NMI: variants seen among roughly 807,000 people sequenced by gnomAD.
The protein encoded by NMI is N-myc and STAT interactor, also known as N-myc-interactor.
NMI carries 39 observed loss-of-function variants against 34.3 expected under a neutral mutation model. The ratio of observed to expected loss-of-function variants is 1.14; its 90% confidence interval spans 0.88 to 1.49. NMI has a LOEUF of 1.49. NMI is among the 40% of genes most tolerant of loss of function. The pLI is 0.00. For synonymous variants in NMI, 113 were observed against 120.3 expected (o/e 0.94, Z 0.40); for missense variants, 339 against 358.1 (o/e 0.95, Z 0.43).
chr2:151,277,581 C>T (rs1428565501), intron 4 of NMI: 2 of 152,214 alleles, frequency 1.3e-5, no homozygotes, highest in Non-Finnish European at 2.9e-5. Context: ...AATCCTGCCT[C>T]CCAAATCCTC....
In NMI at chr2:151,270,852, C is replaced by G; in HGVS notation, c.765G>C (p.Arg255Ser). ...KYQIFSGTSK[R>S]TVLLTGMEGI... is the part of the protein sequence containing the mutation. The stretch of plus-strand genomic sequence containing the variant: ...CTTCCATTCCTGTCAGAAGCACTGT[C>G]CTCTTAGATGTTCCTGAAAATATCT... Residue 255 changes from arginine (R) to serine (S), a missense_variant, in exon 8 of 8, where the codon AGG (arginine) becomes AGC (serine). Arg to Ser is a moderately radical substitution (Grantham distance 110). Transcript: ENST00000243346. The G allele has an allele frequency of 6.2e-7, 1 of 1,613,140 alleles. No homozygotes were observed. Among genetic ancestry groups the G allele is most frequent in the Non-Finnish European group, 8.5e-7 (1 of 1,179,518 alleles).
At chr2:151,282,806 CT>C in intron 2 of NMI, 61 bp downstream of exon 2, 1 of 866,954 alleles carries the variant, frequency 1.2e-6, no homozygotes, top group East Asian at 3.1e-5. Flanking sequence ...CAAAACATGC[CT>C]TACTGCAAAA....
intron 2 of NMI, 111 bp downstream of exon 2, chr2:151,282,757 C>T (rs10169816): frequency 0.57 from 308,043 of 539,988 alleles, 89,031 homozygotes; most frequent in Admixed American, 0.66. Context: ...TAAAGCCTAA[C>T]GGCCTCCCAA....
chr2:151,289,328 T>C (rs891984802), intron 1 of NMI, among the ~76,000 whole-genome samples: 1 of 150,398 alleles, frequency 6.6e-6, no homozygotes, highest in Non-Finnish European at 1.5e-5. Flanking sequence ...ATTTCCTCAA[T>C]GAAGCAAAGC....
intron 3 of NMI, 93 bp downstream of exon 3, chr2:151,281,855 G>C: frequency 1.4e-6 from 1 of 710,676 alleles, no homozygotes; most frequent in Admixed American, 2.7e-5. Context: ...ATGATGATAA[G>C]GTTTTAAAAA....
At chr2:151,284,020 T>G (rs878937964) in intron 1 of NMI, among the ~76,000 whole-genome samples, 3 of 152,204 alleles carry the variant, frequency 2.0e-5, no homozygotes, top group Non-Finnish European at 4.4e-5. Flanking sequence ...TATCACTATA[T>G]CAAACATTTG....
intron 1 of NMI, 126 bp from the exon 2 acceptor site, chr2:151,283,080 C>A (rs577837972): frequency 1.8e-5 from 8 of 456,048 alleles, no homozygotes; most frequent in Non-Finnish European, 2.7e-5. Flanking sequence ...TTTTTCCCAT[C>A]ATCAAAGGCT....
intron 2 of NMI, among the ~76,000 whole-genome samples, chr2:151,282,587 G>A (rs564226517): frequency 1.2e-4 from 18 of 152,310 alleles, no homozygotes; most frequent in African/African-American, 4.3e-4. Context: ...GGGGTCTAAT[G>A]AGATAATTGC....
At chr2:151,275,260 G>C (rs1683270263) in intron 6 of NMI, among the ~76,000 whole-genome samples, 1 of 152,178 alleles carries the variant, frequency 6.6e-6, no homozygotes, top group Non-Finnish European at 1.5e-5. Context: ...TGGGATTACA[G>C]GGGTGAGCCA....
chr2:151,278,028 T>A (rs1474967072), intron 4 of NMI: 2 of 152,178 alleles, frequency 1.3e-5, no homozygotes, highest in East Asian at 1.9e-4. Context: ...ATCTGAAAAA[T>A]TTCTAACATG....
chr2:151,285,622 G>C (rs1683483029), intron 1 of NMI, among the ~76,000 whole-genome samples: 1 of 150,682 alleles, frequency 6.6e-6, no homozygotes, highest in Non-Finnish European at 1.5e-5. Context: ...GCCTATGTGT[G>C]TATCTTGTGT....
Position 151,270,656 on chromosome 2 carries a change from G to A in NMI, c.*37C>T, listed in dbSNP as rs3771885. 7.0e-5 allele frequency: 105 copies of A among 1,492,288 alleles called. 1 individual carries two copies. The East Asian group carries it at 2.0e-3, about 29-fold the overall frequency. 92.4% of individuals were successfully genotyped at this position (1,492,288 alleles called of 1,614,324 possible). On this transcript the variant is annotated 3_prime_UTR_variant, in exon 8 of 8. Transcript: ENST00000243346. ...TTTTGTCAAACATTTACAGTAATCCGGGTTAAAAAGCTATAGTTTTCATGA... is the reference window on the plus strand; with the variant it reads ...TTTTGTCAAACATTTACAGTAATCCAGGTTAAAAAGCTATAGTTTTCATGA...
At chr2:151,285,131 G>T (rs1683471699) in intron 1 of NMI, among the ~76,000 whole-genome samples, 1 of 152,176 alleles carries the variant, frequency 6.6e-6, no homozygotes, top group Non-Finnish European at 1.5e-5. Context: ...TATGATGGGA[G>T]TATGTGAAAG....
At chr2:151,279,114 T>C (rs1224835983) in intron 3 of NMI, 124 bp from the exon 4 acceptor site, 2 of 632,006 alleles carry the variant, frequency 3.2e-6, no homozygotes, top group Non-Finnish European at 5.4e-6. Flanking sequence ...TGTAGAATAT[T>C]GAGTATGGTC....
At chr2:151,281,458 T>C (rs940472587) in intron 3 of NMI, among the ~76,000 whole-genome samples, 12 of 152,208 alleles carry the variant, frequency 7.9e-5, no homozygotes, top group African/African-American at 2.9e-4. Context: ...GCATGTATCA[T>C]TAAGTACAGC....
At chr2:151,282,543 G>C (rs897700602) in intron 2 of NMI, among the ~76,000 whole-genome samples, 16 of 152,194 alleles carry the variant, frequency 1.1e-4, no homozygotes, top group Non-Finnish European at 1.5e-4. Flanking sequence ...CCTTGGGGAA[G>C]TGGTTTAAGC....
At chr2:151,274,642 A>T (rs1683255993) in intron 6 of NMI, among the ~76,000 whole-genome samples, 1 of 150,474 alleles carries the variant, frequency 6.6e-6, no homozygotes, top group African/African-American at 2.4e-5. Context: ...CACCTGGCTA[A>T]TTTTTTTGTA....
chr2:151,273,711 G>A (rs541018347), intron 6 of NMI, among the ~76,000 whole-genome samples: 2 of 152,102 alleles, frequency 1.3e-5, no homozygotes, highest in African/African-American at 2.4e-5. Context: ...TGGTGGAGAA[G>A]GGGTCTCGCG....
chr2:151,275,760 G>A lies in NMI; in HGVS notation c.445C>T (p.Gln149Ter). 6.2e-7 allele frequency: 1 copy of A among 1,611,976 alleles called. No homozygotes were observed. The highest frequency in any genetic ancestry group is 8.5e-7 in the Non-Finnish European group (1 of 1,178,196). Residue 149 changes from glutamine (Q) to a stop codon, truncating the protein, a stop_gained and splice_region_variant, in exon 5 of 8, where the codon CAG becomes TAG. Transcript: ENST00000243346. LOFTEE classifies it high-confidence loss of function. ...PVPLNSGVRFQVYVEVSKMKI... is the reference protein window; with the variant it reads ...PVPLNSGVRF ...AAAAATTTTAATCATCCTGTTACCT[G>A]GAATCTGACTCCTGAATTTAATGGA...
Sources: allele counts gnomAD v4.1 joint callset (sites outside exome capture counted in the v4.1 genomes callset), GRCh38; gene constraint gnomAD v4.1.1; transcripts MANE v1.5; gene names NCBI Gene and HGNC (gene_info 2026-07-23, HGNC 2026-07-21).